Variants in KLRG2 observed in about 807,000 individuals in gnomAD.
The protein encoded by KLRG2 is killer cell lectin-like receptor subfamily G member 2.
Under a neutral mutation model 35.4 loss-of-function variants are expected in KLRG2, and 39 were observed. The observed-to-expected ratio is 1.10, with a 90% CI of 0.85 to 1.44. KLRG2 has a LOEUF of 1.44. Ranked by LOEUF, KLRG2 falls within the 40% of genes most tolerant of loss-of-function variation. KLRG2 has a pLI of 0.00. For synonymous variants in KLRG2, 283 were observed against 265.8 expected, an observed-to-expected ratio of 1.06 and a Z score of -0.63; for missense variants, 632 against 570.9, an observed-to-expected ratio of 1.11 and a Z score of -1.09.
intron 3 of KLRG2, among the ~76,000 whole-genome samples, chr7:139,472,851 C>G (rs962841051): frequency 5.9e-5 from 9 of 152,222 alleles, no homozygotes; most frequent in Middle Eastern, 6.8e-3. Flanking sequence ...CAGTTAGGAC[C>G]CTCCACCCCC....
rs1220091550 is a variant in KLRG2 at position 139,453,217 on chromosome 7, T to A, written c.*370A>T. 1 of 403,894 alleles carries A rather than the reference T, an allele frequency of 2.5e-6. No homozygotes were observed. Among genetic ancestry groups the A allele is most frequent in the African/African-American group, 2.1e-5 (1 of 47,984 alleles). The allele number at this position is 403,894 out of a possible 1,614,324, so 25.0% of individuals were successfully genotyped here. On this transcript the variant is annotated 3_prime_UTR_variant, in exon 5 of 5. Coordinates refer to ENST00000340940, the MANE Select transcript of KLRG2 (RefSeq NM_198508.4). Reference sequence around the variant, plus strand: ...GCAGACTCATTTCCATGAGCCGGAATGAGAACCCAGATTGGAATCCGCTGT... The same window carrying A: ...GCAGACTCATTTCCATGAGCCGGAAAGAGAACCCAGATTGGAATCCGCTGT...
At chr7:139,473,124 T>C (rs1203024354) in intron 3 of KLRG2, among the ~76,000 whole-genome samples, 2 of 151,964 alleles carry the variant, frequency 1.3e-5, no homozygotes, top group Non-Finnish European at 2.9e-5. Flanking sequence ...TCTACAAACA[T>C]ACAAAAATTA....
chr7:139,480,380 A>AAC (rs112859651), intron 1 of KLRG2, 133 bp from the exon 2 acceptor site: 11,288 of 584,942 alleles, frequency 0.019, 866 homozygotes, highest in African/African-American at 0.17. Context: ...CTGGGATGCC[A>AAC]ACATAAACCA....
chr7:139,456,604 G>A (rs577669784), intron 3 of KLRG2, among the ~76,000 whole-genome samples: 3 of 152,038 alleles, frequency 2.0e-5, no homozygotes, highest in Admixed American at 6.5e-5. Context: ...CACCCACCTC[G>A]GCCTCCCAAA....
intron 3 of KLRG2, among the ~76,000 whole-genome samples, chr7:139,464,440 G>A (rs1212629862): frequency 6.6e-6 from 1 of 152,038 alleles, no homozygotes; most frequent in African/African-American, 2.4e-5. Context: ...CAACCAAATT[G>A]TTTTGCCTAT....
At chr7:139,450,206 CTAA>C (rs1239567545), downstream of KLRG2, among the ~76,000 whole-genome samples, 1 of 151,254 alleles carries the variant, frequency 6.6e-6, no homozygotes, top group Non-Finnish European at 1.5e-5. Flanking sequence ...CCACGCCTGG[CTAA>C]TGTTTGTTTT....
At chr7:139,462,291 G>A (rs1445766916) in intron 3 of KLRG2, among the ~76,000 whole-genome samples, 1 of 152,104 alleles carries the variant, frequency 6.6e-6, no homozygotes, top group Non-Finnish European at 1.5e-5. Context: ...TTCACCCTTA[G>A]CAGCAAGCAC....
At chr7:139,456,174 A>G (rs1035221114) in intron 3 of KLRG2, among the ~76,000 whole-genome samples, 18 of 152,146 alleles carry the variant, frequency 1.2e-4, no homozygotes, top group African/African-American at 4.1e-4. Context: ...TTAAGTCAAC[A>G]AAGACAAGCC....
At chr7:139,434,617 A>G in the KLRG2 span, among the ~76,000 whole-genome samples, 3 of 152,234 alleles carry the variant, frequency 2.0e-5, no homozygotes, top group African/African-American at 7.2e-5. Context: ...TATTTATAAA[A>G]GCTGAATGTC....
At position 139,464,588 on chromosome 7, in the gene KLRG2, A is replaced by C. The variant is rs112378920; in HGVS notation, c.1006-10374T>G. On this transcript the variant is annotated intron_variant, in intron 3 of 4. Transcript: ENST00000340940. Reference sequence around the variant, plus strand: ...CCACTCCCCTTTCCATTCCTTAAAAAACAGCTCTAAAAGCTGCTCCCACAC... The same window carrying C: ...CCACTCCCCTTTCCATTCCTTAAAACACAGCTCTAAAAGCTGCTCCCACAC... Among the ~76,000 whole-genome samples, 565 of 152,236 alleles carry C rather than the reference A, an allele frequency of 3.7e-3. 2 individuals carry two copies. The highest frequency in any genetic ancestry group is 0.013 in the African/African-American group (533 of 41,530).
intron 3 of KLRG2, among the ~76,000 whole-genome samples, chr7:139,467,976 G>A (rs979332614): frequency 1.5e-4 from 23 of 152,260 alleles, no homozygotes; most frequent in African/African-American, 5.1e-4. Flanking sequence ...TGAGATAGGG[G>A]AAAACCGCCT....
chr7:139,437,362 T>C, the KLRG2 span, among the ~76,000 whole-genome samples: 219 of 145,442 alleles, frequency 1.5e-3, no homozygotes, highest in African/African-American at 5.4e-3. Context: ...GAGACGGTGG[T>C]TGCAGTAAGC....
chr7:139,479,526 A>G (rs1196127842), intron 3 of KLRG2, 101 bp downstream of exon 3: 2 of 1,218,732 alleles, frequency 1.6e-6, no homozygotes, highest in East Asian at 2.3e-5. Context: ...GGTGATTTCT[A>G]TAATGAAGAG....
rs76407315 is a variant in KLRG2, at chr7:139,461,749, A to T, written c.1006-7535T>A. On this transcript the variant is annotated intron_variant, in intron 3 of 4. Coordinates refer to ENST00000340940, the MANE Select transcript of KLRG2 (RefSeq NM_198508.4). ...AATCTTATAAAGCTGCCCCACCCTT[A>T]TCTCCCTTCGCTGACTCTTTTCGGA... 8.4e-4 allele frequency among the ~76,000 whole-genome samples: 127 copies of T among 151,882 alleles called. 1 individual carries two copies. The highest frequency in any genetic ancestry group is 1.9e-3 in the Admixed American group (29 of 15,256).
chr7:139,473,951 A>G (rs184284371), intron 3 of KLRG2, among the ~76,000 whole-genome samples: 2 of 152,140 alleles, frequency 1.3e-5, no homozygotes, highest in East Asian at 3.9e-4. Context: ...AGACACTGAA[A>G]TTTTCCAGAG....
intron 3 of KLRG2, among the ~76,000 whole-genome samples, chr7:139,456,341 G>C (rs1796476481): frequency 6.6e-6 from 1 of 152,084 alleles, no homozygotes; most frequent in African/African-American, 2.4e-5. Context: ...TCACAGAATA[G>C]AGCTGTCTCT....
At chr7:139,476,300 G>A (rs761946749) in intron 3 of KLRG2, among the ~76,000 whole-genome samples, 13 of 152,106 alleles carry the variant, frequency 8.5e-5, no homozygotes, top group South Asian at 2.1e-4. Context: ...GGAATCCCAC[G>A]GAGGAGGGAG....
At chr7:139,468,458 G>A (rs965713468) in intron 3 of KLRG2, among the ~76,000 whole-genome samples, 1 of 151,980 alleles carries the variant, frequency 6.6e-6, no homozygotes, top group Non-Finnish European at 1.5e-5. Flanking sequence ...TGTGACCCTT[G>A]CCCCTGCCTG....
intron 3 of KLRG2, among the ~76,000 whole-genome samples, chr7:139,469,635 G>T (rs1796723846): frequency 1.3e-5 from 2 of 151,992 alleles, no homozygotes; most frequent in Non-Finnish European, 1.5e-5. Context: ...GTAGAGATGG[G>T]GTTTCACCAT....
Sources: allele counts gnomAD v4.1 joint callset (sites outside exome capture counted in the v4.1 genomes callset), GRCh38; gene constraint gnomAD v4.1.1; transcripts MANE v1.5; gene names NCBI Gene and HGNC (gene_info 2026-07-23, HGNC 2026-07-21).